PHEX: variants seen among roughly 807,000 people sequenced by gnomAD.
PHEX encodes phosphate regulating endopeptidase X-linked.
Under a neutral mutation model 68.0 loss-of-function variants are expected in PHEX, and 16 were observed. The ratio of observed to expected loss-of-function variants is 0.24; its 90% CI spans 0.16 to 0.36. PHEX has a LOEUF of 0.36. PHEX is among the 10% of genes least tolerant of loss of function. The pLI, the probability that PHEX is intolerant of heterozygous loss-of-function variation, is 1.00. For missense variants in PHEX, 480 were observed against 575.5 expected, an observed-to-expected ratio of 0.83 and a Z score of 1.70; for synonymous variants, 208 against 205.1, an observed-to-expected ratio of 1.01 and a Z score of -0.12.
At chrX:22,182,134 C>T (rs1360775072) in intron 14 of PHEX, among the ~76,000 whole-genome samples, 1 of 111,610 alleles carries the variant, frequency 9.0e-6, no homozygotes. Context: ...TAAAAGTGGA[C>T]ATCCTTGTCT....
At position 22,047,960 on chromosome X, in the gene PHEX, T is replaced by C. The variant is rs185687035; in HGVS notation, c.349+749T>C. On this transcript the variant is annotated intron_variant, in intron 3 of 21. Coordinates refer to ENST00000379374, the MANE Select transcript of PHEX (RefSeq NM_000444.6). ...GAGAAGGCAAAAATAGTATGGTTTT[T>C]TTTTTTGGCTCTTTTTGACAACTGT... is the stretch of plus-strand genomic sequence containing the variant. Among the ~76,000 whole-genome samples the C allele has an allele frequency of 5.5e-3, 615 of 110,975 alleles. 4 individuals are homozygous for C. Among genetic ancestry groups the C allele is most frequent in the African/African-American group, 0.019 (592 of 30,549 alleles).
intron 20 of PHEX, among the ~76,000 whole-genome samples, chrX:22,241,135 C>T (rs185351881): frequency 8.9e-6 from 1 of 111,780 alleles, no homozygotes; most frequent in Admixed American, 9.5e-5. Context: ...CTCAAAACTC[C>T]CCAACTACAT....
chrX:22,210,634 A>G (rs1934890386), intron 15 of PHEX, among the ~76,000 whole-genome samples: 2 of 111,585 alleles, frequency 1.8e-5, no homozygotes, highest in South Asian at 7.5e-4. Context: ...CCAAAAAAAG[A>G]GGATGGAATA....
intron 12 of PHEX, among the ~76,000 whole-genome samples, chrX:22,138,220 T>C (rs1301043141): frequency 8.9e-6 from 1 of 112,841 alleles, no homozygotes; most frequent in Non-Finnish European, 1.9e-5. Context: ...TCCCAGTGCT[T>C]CCTTGCCTGT....
intron 14 of PHEX, among the ~76,000 whole-genome samples, chrX:22,183,666 C>G (rs1489013533): frequency 9.0e-6 from 1 of 110,646 alleles, no homozygotes; most frequent in Non-Finnish European, 1.9e-5. Flanking sequence ...AGTCACAGAT[C>G]TATATAATCT....
At chrX:22,055,287 C>T (rs1428005910) in intron 3 of PHEX, among the ~76,000 whole-genome samples, 1 of 106,573 alleles carries the variant, frequency 9.4e-6, no homozygotes, top group Non-Finnish European at 1.9e-5. Flanking sequence ...AATGGATATC[C>T]CAATTACCCA....
intron 14 of PHEX, among the ~76,000 whole-genome samples, chrX:22,188,194 A>G (rs981261480): frequency 1.8e-5 from 2 of 112,371 alleles, no homozygotes; most frequent in African/African-American, 6.5e-5. Flanking sequence ...TTAGTCTGAC[A>G]TAATTATCCT....
At chrX:22,156,170 A>G (rs760496615) in intron 12 of PHEX, among the ~76,000 whole-genome samples, 4 of 111,371 alleles carry the variant, frequency 3.6e-5, no homozygotes, top group Non-Finnish European at 7.5e-5. Context: ...GGGGGGTTAC[A>G]TATTGTCTTA....
At chrX:22,124,911 T>C (rs1383041531) in intron 11 of PHEX, among the ~76,000 whole-genome samples, 3 of 111,757 alleles carry the variant, frequency 2.7e-5, no homozygotes, top group Non-Finnish European at 5.6e-5. Flanking sequence ...CAAACTGATA[T>C]GATTTATTCA....
At chrX:22,036,054 ATTTTTTT>A (rs72347239) in intron 1 of PHEX, among the ~76,000 whole-genome samples, 22 of 56,687 alleles carry the variant, frequency 3.9e-4, no homozygotes, top group East Asian at 1.4e-3. Flanking sequence ...ATATATATAT[ATTTTTTT>A]TTTTTTTTTT....
intron 9 of PHEX, among the ~76,000 whole-genome samples, chrX:22,103,480 A>G (rs896444178): frequency 9.1e-6 from 1 of 110,330 alleles, no homozygotes; most frequent in African/African-American, 3.3e-5. Flanking sequence ...CTGAGTCCCC[A>G]AAGTCCATTA....
At chrX:22,224,594 G>A (rs1038897823) in intron 18 of PHEX, among the ~76,000 whole-genome samples, 4 of 111,122 alleles carry the variant, frequency 3.6e-5, no homozygotes, top group African/African-American at 1.3e-4. Flanking sequence ...GATCTGGTGG[G>A]ATATCGACAT....
At chrX:22,051,492 G>A (rs1195983596) in intron 3 of PHEX, among the ~76,000 whole-genome samples, 1 of 111,894 alleles carries the variant, frequency 8.9e-6, no homozygotes, top group East Asian at 2.8e-4. Context: ...GATGGTGCCA[G>A]TGCACTCCAG....
Position 22,248,046 on chromosome X carries a change from A to G in PHEX, c.*93A>G. Reference sequence around the variant, plus strand: ...ATCGCCCATTGCTTTAGGCCTGGAGACTTTCATTTTTAGTGCATTTTCATT... The same window carrying G: ...ATCGCCCATTGCTTTAGGCCTGGAGGCTTTCATTTTTAGTGCATTTTCATT... On this transcript the variant is annotated 3_prime_UTR_variant, in exon 22 of 22. Coordinates refer to ENST00000379374, the MANE Select transcript of PHEX (RefSeq NM_000444.6). The G allele has an allele frequency of 1.6e-6, 1 of 632,674 alleles. No homozygotes were observed. Among genetic ancestry groups the G allele is most frequent in the Non-Finnish European group, 2.7e-6 (1 of 374,970 alleles). 52.1% of individuals were successfully genotyped at this position (632,674 alleles called of 1,213,427 possible).
chrX:22,108,938 T>C (rs1286815072), intron 9 of PHEX, among the ~76,000 whole-genome samples: 1 of 84,156 alleles, frequency 1.2e-5, no homozygotes, highest in Non-Finnish European at 2.1e-5. Context: ...CAAGACTCCA[T>C]CTTCAAAAAA....
chrX:22,163,240 T>C (rs1933197206), intron 12 of PHEX: 1 of 111,860 alleles, frequency 8.9e-6, no homozygotes, highest in Non-Finnish European at 1.9e-5. Flanking sequence ...GAAGTTTTTC[T>C]TAAATGTCAT....
chrX:22,151,686 T>C (rs1013832688), intron 12 of PHEX, among the ~76,000 whole-genome samples: 1 of 112,015 alleles, frequency 8.9e-6, no homozygotes, highest in African/African-American at 3.2e-5. Flanking sequence ...CCTTGACTGG[T>C]CTGCAAAATA....
chrX:22,179,616 T>C (rs912413014), intron 14 of PHEX, among the ~76,000 whole-genome samples: 11 of 111,759 alleles, frequency 9.8e-5, no homozygotes, highest in Admixed American at 1.9e-4. Context: ...AGGATAATGG[T>C]CTCCAATTCC....
At position 22,114,568 on chromosome X, in the gene PHEX, G is replaced by T. The variant is rs757869310; in HGVS notation, c.1284G>T (p.Gln428His). The T allele has an allele frequency of 1.7e-6, 2 of 1,206,649 alleles. No homozygotes were observed. Among genetic ancestry groups the T allele is most frequent in the Non-Finnish European group, 2.2e-6 (2 of 891,029 alleles). The change falls in exon 11 of 22, where the codon CAG (glutamine) becomes CAT (histidine). Residue 428 changes from glutamine (Q) to histidine (H), a missense_variant. By Grantham distance (24) the Gln-to-His change is conservative. Transcript: ENST00000379374. ...AGATGTTTGTAGATGTGTACTTCCA[G>T]GAAGATAAGAAGGAAATGGTAAGTG... Reference protein sequence around the residue: ...VGKMFVDVYFQEDKKEMMEEL... With the variant: ...VGKMFVDVYFHEDKKEMMEEL...
Sources: gnomAD v4.1 joint callset for allele counts (sites outside exome capture counted in the v4.1 genomes callset) on GRCh38, gnomAD v4.1.1 for gene constraint, MANE v1.5 for transcripts, NCBI Gene and HGNC (gene_info 2026-07-23, HGNC 2026-07-21) for gene names.